RP1: variants seen among roughly 807,000 people sequenced by gnomAD.
RP1 encodes oxygen-regulated protein 1.
In RP1, 16 loss-of-function variants were observed where a neutral mutation model predicts 14.8. The ratio of observed to expected loss-of-function variants is 1.08; its 90% CI spans 0.73 to 1.65. The LOEUF (loss-of-function observed/expected upper bound fraction) is 1.65, where lower values mean the gene tolerates loss of function less well. Ranked by LOEUF, RP1 falls within the 40% of genes most tolerant of loss-of-function variation. RP1 has a pLI of 0.00. For synonymous variants in RP1, 876 were observed against 883.6 expected (o/e 0.99, Z 0.15); for missense variants, 2,631 against 2,535.0 (o/e 1.04, Z -0.81).
intron 24 of RP1, among the ~76,000 whole-genome samples, chr8:54,807,500 GTTTA>G (rs1810881574): frequency 6.6e-6 from 1 of 152,028 alleles, no homozygotes; most frequent in Admixed American, 6.6e-5. Context: ...ATGCTTGTCT[GTTTA>G]TTTGTTTGTA....
chr8:54,733,323 A>G (rs556302933), intron 17 of RP1, among the ~76,000 whole-genome samples: 1 of 152,286 alleles, frequency 6.6e-6, no homozygotes, highest in South Asian at 2.1e-4. Context: ...TGCAACACAG[A>G]ACCCTGCATA....
chr8:54,702,004 A>G (rs1808033177), intron 14 of RP1, among the ~76,000 whole-genome samples: 1 of 152,144 alleles, frequency 6.6e-6, no homozygotes, highest in Admixed American at 6.6e-5. Flanking sequence ...ATACTCTTTG[A>G]GTGTTGTATA....
chr8:54,699,064 A>G (rs1246872141), intron 12 of RP1, among the ~76,000 whole-genome samples: 1 of 151,694 alleles, frequency 6.6e-6, no homozygotes, highest in Non-Finnish European at 1.5e-5. Context: ...TAACTTTGTT[A>G]TCATGAAATC....
At chr8:54,637,224 G>A (rs1806366746) in intron 3 of RP1, among the ~76,000 whole-genome samples, 1 of 152,158 alleles carries the variant, frequency 6.6e-6, no homozygotes, top group Non-Finnish European at 1.5e-5. Flanking sequence ...AAAGTATGTA[G>A]AGTGCTATGT....
chr8:54,704,571 T>C (rs1268004362), intron 14 of RP1, among the ~76,000 whole-genome samples: 1 of 152,214 alleles, frequency 6.6e-6, no homozygotes, highest in African/African-American at 2.4e-5. Flanking sequence ...ACACATGCTG[T>C]TGGAAAAATA....
At chr8:54,857,331 T>C (rs999600115) in intron 27 of RP1, among the ~76,000 whole-genome samples, 2 of 147,692 alleles carry the variant, frequency 1.4e-5, no homozygotes, top group African/African-American at 2.5e-5. Flanking sequence ...AATATATTTA[T>C]AGAATATATA....
intron 1 of RP1, among the ~76,000 whole-genome samples, chr8:54,600,872 G>A (rs1805265413): frequency 6.6e-6 from 1 of 152,110 alleles, no homozygotes; most frequent in Non-Finnish European, 1.5e-5. Flanking sequence ...ACCTAGTTTG[G>A]GATATATGGG....
intron 1 of RP1, among the ~76,000 whole-genome samples, chr8:54,587,425 C>CAA (rs568598595): frequency 1.0e-3 from 95 of 94,964 alleles, no homozygotes; most frequent in Admixed American, 1.8e-3. Context: ...GACCCTGTCT[C>CAA]AAAAAAAAAA....
At chr8:54,580,562 C>T (rs1804765277) in intron 1 of RP1, among the ~76,000 whole-genome samples, 2 of 151,962 alleles carry the variant, frequency 1.3e-5, no homozygotes, top group Non-Finnish European at 2.9e-5. Flanking sequence ...CTCTCAGCCT[C>T]CCAAAGTGCT....
intron 17 of RP1, among the ~76,000 whole-genome samples, chr8:54,727,060 C>T (rs1017908051): frequency 3.3e-5 from 5 of 151,930 alleles, no homozygotes; most frequent in Non-Finnish European, 5.9e-5. Flanking sequence ...TCTGGGGGAC[C>T]ATTTTTTTAA....
chr8:54,678,237 A>G (rs1807341537), intron 8 of RP1, among the ~76,000 whole-genome samples: 1 of 152,228 alleles, frequency 6.6e-6, no homozygotes, highest in African/African-American at 2.4e-5. Flanking sequence ...TAGACACAAT[A>G]AGGCATGAAG....
At chr8:54,617,920 C>G (rs187255234) in intron 1 of RP1, among the ~76,000 whole-genome samples, 19 of 152,236 alleles carry the variant, frequency 1.2e-4, no homozygotes, top group African/African-American at 4.6e-4. Flanking sequence ...AACAATAATA[C>G]CTAATCTTTA....
At chr8:54,572,453 C>G (rs1261472428) in intron 1 of RP1, among the ~76,000 whole-genome samples, 1 of 152,130 alleles carries the variant, frequency 6.6e-6, no homozygotes, top group East Asian at 1.9e-4. Flanking sequence ...GTGGCCTAGG[C>G]AAGTCATTTG....
chr8:54,865,726 T>C (rs1812442625), intron 27 of RP1: 3 of 414,230 alleles, frequency 7.2e-6, no homozygotes, highest in Non-Finnish European at 1.2e-5. Flanking sequence ...TTTTTGTACC[T>C]TGACATGTGT....
chr8:54,561,100 G>A (rs1282717237), intron 1 of RP1: 2 of 152,124 alleles, frequency 1.3e-5, no homozygotes, highest in African/African-American at 4.8e-5. Flanking sequence ...CACTGGATGA[G>A]CCACCCTGGG....
chr8:54,668,311 C>A (rs1158325845), intron 7 of RP1, among the ~76,000 whole-genome samples: 3 of 152,146 alleles, frequency 2.0e-5, no homozygotes, highest in African/African-American at 7.2e-5. Context: ...AGGAATACAA[C>A]TTACAAGGGA....
In RP1 at chr8:54,706,591, TG is replaced by T. The variant is rs1455673427; in HGVS notation, c.2148del (p.Met716IlefsTer5). 6.5e-7 allele frequency: 1 copy of T among 1,535,950 alleles called. No individual in the cohort carries two copies. The highest frequency in any genetic ancestry group is 8.7e-7 in the Non-Finnish European group (1 of 1,146,868). On this transcript the variant is annotated frameshift_variant, in exon 15 of 23. Coordinates refer to the RP1 transcript ENST00000636932. LOFTEE classifies it high-confidence loss of function. ...CATAAAATCAGCTCTGGGATTTGCATGTTTGAAAGTGTGAAAAATGCACAAA... is the reference window on the plus strand; with the variant it reads ...CATAAAATCAGCTCTGGGATTTGCATTTTGAAAGTGTGAAAAATGCACAAA...
intron 7 of RP1, among the ~76,000 whole-genome samples, chr8:54,666,001 G>A (rs913043665): frequency 6.6e-6 from 1 of 151,946 alleles, no homozygotes; most frequent in Non-Finnish European, 1.5e-5. Flanking sequence ...TTCATTCTCT[G>A]TGGTCCCTGG....
exon 29 of RP1, chr8:54,870,304 T>A: frequency 5.7e-6 from 1 of 175,378 alleles, no homozygotes; most frequent in East Asian, 1.4e-4. Flanking sequence ...GTTACTGAAA[T>A]GTCTAAATAA....
Sources: allele counts gnomAD v4.1 joint callset (sites outside exome capture counted in the v4.1 genomes callset), GRCh38; gene constraint gnomAD v4.1.1; transcripts MANE v1.5; gene names NCBI Gene and HGNC (gene_info 2026-07-23, HGNC 2026-07-21).